SH3BP5: variants seen among roughly 807,000 people sequenced by gnomAD.
SH3BP5 encodes SH3 domain binding protein 5, also known as SH3 domain-binding protein 5.
In SH3BP5, 22 loss-of-function variants were observed where a neutral mutation model predicts 43.3. That is an observed-to-expected ratio of 0.51 (90% CI 0.36 to 0.73). SH3BP5 has a LOEUF of 0.73. SH3BP5 is among the 30% of genes least tolerant of loss of function. The probability of loss-of-function intolerance (pLI) is 0.00; values close to 1 mark genes in which losing one functional copy is unlikely to be tolerated. For synonymous variants in SH3BP5, 255 were observed against 225.8 expected, an observed-to-expected ratio of 1.13 and a Z score of -1.16; for missense variants, 529 against 586.9, an observed-to-expected ratio of 0.90 and a Z score of 1.02.
chr3:15,257,222 C>T (rs987294059), intron 7 of SH3BP5, 109 bp from the exon 8 acceptor site: 5 of 1,153,396 alleles, frequency 4.3e-6, no homozygotes, highest in African/African-American at 1.5e-5. Flanking sequence ...TAAAGAGTCT[C>T]TACCTCTGTG....
chr3:15,266,730 A>C (rs569611753), intron 4 of SH3BP5, among the ~76,000 whole-genome samples: 2 of 152,320 alleles, frequency 1.3e-5, no homozygotes, highest in South Asian at 4.1e-4. Flanking sequence ...CCCAGCACTA[A>C]GCAGAAAACT....
rs577562367 is a variant in SH3BP5, at chr3:15,255,507, C to T, written c.*579G>A. 6.5e-6 allele frequency: 1 copy of T among 152,742 alleles called. No homozygotes were observed. Among genetic ancestry groups the T allele is most frequent in the South Asian group, 2.1e-4 (1 of 4,818 alleles). The allele number at this position is 152,742 out of a possible 1,614,324, so 9.5% of individuals were successfully genotyped here. A position where few individuals can be genotyped will look rare whatever the true frequency, so the allele number is the denominator to read the frequency against. On this transcript the variant is annotated 3_prime_UTR_variant, in exon 9 of 9. Coordinates refer to ENST00000383791, the MANE Select transcript of SH3BP5 (RefSeq NM_004844.5). ...TAGAAAATGGTTTTAATGGGTATCC[C>T]AGCATACACGCTTTTTTAAAAGCCC...
chr3:15,276,264 A>T (rs1339407559), intron 3 of SH3BP5, among the ~76,000 whole-genome samples: 1 of 152,138 alleles, frequency 6.6e-6, no homozygotes, highest in African/African-American at 2.4e-5. Flanking sequence ...GCACATTTGC[A>T]TTGGCTACAA....
intron 2 of SH3BP5, among the ~76,000 whole-genome samples, chr3:15,328,049 AT>A (rs1293002465): frequency 2.0e-5 from 3 of 152,016 alleles, no homozygotes; most frequent in Non-Finnish European, 4.4e-5. Context: ...GGAGTTTTTA[AT>A]TGCTTATGTA....
intron 4 of SH3BP5, among the ~76,000 whole-genome samples, chr3:15,262,765 C>G (rs1004534378): frequency 1.3e-5 from 2 of 152,138 alleles, no homozygotes; most frequent in Non-Finnish European, 2.9e-5. Context: ...TGAGACCAGC[C>G]TGGCCAACAT....
At position 15,257,011 on chromosome 3, in the gene SH3BP5, G is replaced by A. The variant is rs772857315; in HGVS notation, c.992C>T (p.Pro331Leu). 8.2e-5 allele frequency: 132 copies of A among 1,614,076 alleles called. 1 individual carries two copies. Among genetic ancestry groups the A allele is most frequent in the Non-Finnish European group, 1.0e-4 (119 of 1,180,044 alleles). ...AGGGAACTGGTCAGGCATCTCAGAC[G>A]GGCTTGTTGGTCCTGAACTAAAGCT... is the stretch of plus-strand genomic sequence containing the variant. Reference protein sequence around the residue: ...VSSFSSGPTSPSEMPDQFPAV... With the variant: ...VSSFSSGPTSLSEMPDQFPAV... Residue 331 changes from proline (P) to leucine (L), a missense_variant, in exon 8 of 9, where the codon CCG becomes CTG. Transcript: ENST00000383791.
intron 3 of SH3BP5, among the ~76,000 whole-genome samples, chr3:15,282,680 T>C (rs1294156258): frequency 6.6e-6 from 1 of 151,294 alleles, no homozygotes; most frequent in Admixed American, 6.6e-5. Context: ...TACTAGATGA[T>C]ATTTAAAAAC....
rs1394820545 is a variant in SH3BP5 at position 15,258,929 on chromosome 3, C to T, written c.791G>A (p.Ser264Asn). ...ACCGCATCCCCGAGGCCCCATGGCA[C>T]TGGAGCGCCGCCGCTCGTGGATCTC... Reference protein sequence around the residue: ...SDEIHERRRSSAMGPRGCGVG... With the variant: ...SDEIHERRRSNAMGPRGCGVG... The change falls in exon 7 of 9, where the codon AGT becomes AAT. Residue 264 changes from serine (S) to asparagine (N), a missense_variant. This residue lies in a region of SH3BP5 where 369 missense variants were observed against 384.3 expected (regional missense o/e 0.96). Transcript: ENST00000383791. The T allele has an allele frequency of 6.2e-7, 1 of 1,614,232 alleles. No individual in the cohort carries two copies. The highest frequency in any genetic ancestry group is 8.5e-7 in the Non-Finnish European group (1 of 1,180,044).
chr3:15,306,971 C>T (rs1177204504), intron 2 of SH3BP5, among the ~76,000 whole-genome samples: 1 of 152,160 alleles, frequency 6.6e-6, no homozygotes, highest in East Asian at 1.9e-4. Flanking sequence ...CGGCACCCAG[C>T]CGACATTTTA....
At chr3:15,328,277 G>C (rs911888657) in intron 2 of SH3BP5, among the ~76,000 whole-genome samples, 1 of 152,054 alleles carries the variant, frequency 6.6e-6, no homozygotes, top group East Asian at 1.9e-4. Context: ...CAGAAGTAAG[G>C]GCTAAAAAGA....
chr3:15,265,546 ACACACACACACAC>A (rs1696610254), intron 4 of SH3BP5, among the ~76,000 whole-genome samples: 1 of 150,426 alleles, frequency 6.6e-6, no homozygotes, highest in South Asian at 2.1e-4. Flanking sequence ...ACACACACAC[ACACACACACACAC>A]AACCCTCCAG....
chr3:15,262,114 C>G (rs377608110), intron 5 of SH3BP5, 45 bp downstream of exon 5: 12 of 1,609,454 alleles, frequency 7.5e-6, no homozygotes, highest in Admixed American at 1.7e-5. Context: ...AAGATGCAGA[C>G]TAGGACAGCC....
At chr3:15,259,276 A>T (rs1463587209) in intron 6 of SH3BP5, 1 of 589,748 alleles carries the variant, frequency 1.7e-6, no homozygotes, top group Non-Finnish European at 3.0e-6. Context: ...ATATCCAAAA[A>T]CTCTCACTGG....
upstream of SH3BP5, among the ~76,000 whole-genome samples, chr3:15,333,998 C>T (rs1350518945): frequency 1.3e-5 from 2 of 152,206 alleles, no homozygotes; most frequent in Non-Finnish European, 2.9e-5. Context: ...GAGCCTCCAA[C>T]TTTGCAGGTA....
chr3:15,325,616 C>T (rs1698440619), intron 2 of SH3BP5, among the ~76,000 whole-genome samples: 1 of 152,222 alleles, frequency 6.6e-6, no homozygotes, highest in Admixed American at 6.5e-5. Flanking sequence ...ACCCCCTCTG[C>T]AATGTAAGCC....
At chr3:15,285,594 T>A (rs1697244042) in intron 3 of SH3BP5, among the ~76,000 whole-genome samples, 1 of 152,198 alleles carries the variant, frequency 6.6e-6, no homozygotes, top group Admixed American at 6.5e-5. Flanking sequence ...CATGAACATA[T>A]CAGGAATACA....
At position 15,330,538 on chromosome 3, in the gene SH3BP5, G is replaced by A. The variant is rs1281003756; in HGVS notation, c.167C>T (p.Thr56Met). 5.0e-6 allele frequency: 8 copies of A among 1,611,564 alleles called. No homozygotes were observed. Among genetic ancestry groups the A allele is most frequent in the South Asian group, 1.1e-5 (1 of 90,470 alleles). The change falls in exon 2 of 9, where the codon ACG (threonine) becomes ATG (methionine). Residue 56 changes from threonine (T) to methionine (M), a missense_variant. Physicochemically the swap from Thr to Met is moderately conservative, Grantham distance 81 (BLOSUM62 -1). Coordinates refer to ENST00000383791, the MANE Select transcript of SH3BP5 (RefSeq NM_004844.5). ...QGELEKLNQS[T>M]DDINRRETEL... ...AGTCTCCCGTCTGTTGATATCATCC[G>A]TGGACTGATTTAACTTCTCCAGTTC...
chr3:15,259,480 T>C (rs1185384237), intron 6 of SH3BP5: 3 of 563,650 alleles, frequency 5.3e-6, no homozygotes. Context: ...GGACCTGGTC[T>C]ATCAGGTCTC....
At chr3:15,276,304 G>C (rs1374320912) in intron 3 of SH3BP5, among the ~76,000 whole-genome samples, 1 of 152,144 alleles carries the variant, frequency 6.6e-6, no homozygotes, top group South Asian at 2.1e-4. Flanking sequence ...GGAGTTTACA[G>C]ACCTCCCAGT....
Sources: allele counts gnomAD v4.1 joint callset (sites outside exome capture counted in the v4.1 genomes callset), GRCh38; gene constraint gnomAD v4.1.1; regional missense constraint gnomAD v4.1.1; transcripts MANE v1.5; gene names NCBI Gene and HGNC (gene_info 2026-07-23, HGNC 2026-07-21).